IL4: variants seen among roughly 807,000 people sequenced by gnomAD.
The protein encoded by IL4 is interleukin-4.
IL4 carries 10 observed loss-of-function variants against 17.4 expected under a neutral mutation model. The observed-to-expected ratio is 0.57, with a 90% CI of 0.35 to 0.97. IL4 has a LOEUF of 0.97. Among genes scored for constraint, IL4 ranks in the 50% least tolerant of loss-of-function variants. The pLI, the probability that IL4 is intolerant of heterozygous loss-of-function variation, is 0.01. For missense variants in IL4, 174 were observed against 187.7 expected, an observed-to-expected ratio of 0.93 and a Z score of 0.43; for synonymous variants, 87 against 79.0, an observed-to-expected ratio of 1.10 and a Z score of -0.54.
intron 1 of IL4, 59 bp from the exon 2 acceptor site, chr5:132,674,400 T>A (rs751846866): frequency 7.1e-6 from 11 of 1,548,896 alleles, no homozygotes; most frequent in Non-Finnish European, 9.8e-6. Context: ...ATCAAGGACT[T>A]CTCTGTCCGG....
At chr5:132,678,824 A>C (rs1007043073) in intron 2 of IL4, among the ~76,000 whole-genome samples, 3 of 152,108 alleles carry the variant, frequency 2.0e-5, no homozygotes, top group Non-Finnish European at 4.4e-5. Context: ...AAATGAGAGG[A>C]CACACCAGGC....
At chr5:132,681,463 G>A (rs748177619) in intron 3 of IL4, among the ~76,000 whole-genome samples, 12 of 152,312 alleles carry the variant, frequency 7.9e-5, no homozygotes, top group East Asian at 1.9e-4. Context: ...TGGGCTCACC[G>A]AGGATAGGGT....
chr5:132,674,323 C>A, intron 1 of IL4, 136 bp from the exon 2 acceptor site: 1 of 1,325,264 alleles, frequency 7.5e-7, no homozygotes, highest in Non-Finnish European at 1.1e-6. Flanking sequence ...CGAGGCTTCT[C>A]CCCTGCCACT....
At chr5:132,677,954 G>C (rs1328046088) in intron 2 of IL4, 1 of 152,174 alleles carries the variant, frequency 6.6e-6, no homozygotes, top group Non-Finnish European at 1.5e-5. Flanking sequence ...CAGGAACGAG[G>C]AGTGACTCTC....
Position 132,680,126 on chromosome 5 carries a change from G to A in IL4, c.360+236G>A, listed in dbSNP as rs922662875. On this transcript the variant is annotated intron_variant, in intron 3 of 3. Coordinates refer to ENST00000231449, the MANE Select transcript of IL4 (RefSeq NM_000589.4). This position sits in a 1 kb window ranked among gnomAD's most constrained non-coding sequence, Gnocchi z 4.3. ...GTTCTCATGGAATGTTCTAATGGGA[G>A]AGTTAGAAAAACAAACATGTAAAAT... is the stretch of plus-strand genomic sequence containing the variant. Among the ~76,000 whole-genome samples, 1 of 152,166 alleles carries A rather than the reference G, an allele frequency of 6.6e-6. No homozygotes were observed. Among genetic ancestry groups the A allele is most frequent in the Non-Finnish European group, 1.5e-5 (1 of 68,040 alleles).
intron 3 of IL4, 51 bp downstream of exon 3, chr5:132,679,941 A>G (rs750176694): frequency 2.0e-6 from 3 of 1,511,336 alleles, no homozygotes; most frequent in Non-Finnish European, 2.7e-6. Context: ...CCTGGTGGAC[A>G]GCAGCCTCAC....
Position 132,674,077 on chromosome 5 carries a change from C to G in IL4, c.27C>G (p.Pro9=). The G allele has an allele frequency of 6.2e-7, 1 of 1,614,176 alleles. No homozygotes were observed. Among genetic ancestry groups the G allele is most frequent in the Non-Finnish European group, 8.5e-7 (1 of 1,180,018 alleles). MGLTSQLL[P]PLFFLLACAG... ...TGGGTCTCACCTCCCAACTGCTTCC[C>G]CCTCTGTTCTTCCTGCTAGCATGTG... Residue 9 remains proline (P), a synonymous_variant, in exon 1 of 4, where the codon CCC becomes CCG. Coordinates refer to ENST00000231449, the MANE Select transcript of IL4 (RefSeq NM_000589.4).
At chr5:132,675,867 G>GTGTGTGTC (rs1752368938) in intron 2 of IL4, among the ~76,000 whole-genome samples, 1 of 148,926 alleles carries the variant, frequency 6.7e-6, no homozygotes, top group Non-Finnish European at 1.5e-5. Flanking sequence ...GTGTGTGTGT[G>GTGTGTGTC]TGTGTGTGTG....
Position 132,680,156 on chromosome 5 carries a change from G to A in IL4, c.360+266G>A, listed in dbSNP as rs1752459234. On this transcript the variant is annotated intron_variant, in intron 3 of 3. Coordinates refer to ENST00000231449, the MANE Select transcript of IL4 (RefSeq NM_000589.4). The surrounding 1 kb of genome is among the most constrained non-coding windows in gnomAD (Gnocchi z 4.3). ...AGAAAAACAAACATGTAAAATGATG[G>A]CCAGCAGTGATACGTGCTACAAAGA... Among the ~76,000 whole-genome samples the A allele has an allele frequency of 1.3e-5, 2 of 152,176 alleles. No homozygotes were observed. Among genetic ancestry groups the A allele is most frequent in the Non-Finnish European group, 2.9e-5 (2 of 68,038 alleles).
At chr5:132,679,937 G>T in intron 3 of IL4, 47 bp downstream of exon 3, 1 of 1,520,928 alleles carries the variant, frequency 6.6e-7, no homozygotes, top group South Asian at 1.2e-5. Flanking sequence ...GGCTCCTGGT[G>T]GACAGCAGCC....
chr5:132,674,314 G>A (rs1019877607), intron 1 of IL4, 129 bp downstream of exon 1: 11 of 1,345,588 alleles, frequency 8.2e-6, no homozygotes, highest in East Asian at 4.6e-5. Context: ...GGCACACAGC[G>A]AGGCTTCTCC....
At chr5:132,674,603 A>C in intron 2 of IL4, 97 bp downstream of exon 2, 1 of 926,758 alleles carries the variant, frequency 1.1e-6, no homozygotes, top group East Asian at 2.4e-5. Context: ...AGCGGGCCCA[A>C]ATTAACTCTA....
intron 2 of IL4, among the ~76,000 whole-genome samples, chr5:132,676,953 C>T (rs529921342): frequency 1.3e-5 from 2 of 152,298 alleles, no homozygotes; most frequent in African/African-American, 4.8e-5. Context: ...GAAGTCAAGG[C>T]TGTCTGAGGA....
At chr5:132,677,130 T>C (rs900938900) in intron 2 of IL4, among the ~76,000 whole-genome samples, 1 of 152,242 alleles carries the variant, frequency 6.6e-6, no homozygotes, top group African/African-American at 2.4e-5. Flanking sequence ...GTTTCTCATA[T>C]ACAGCACTAG....
At chr5:132,682,356 G>A in intron 3 of IL4, 130 bp from the exon 4 acceptor site, 2 of 587,830 alleles carry the variant, frequency 3.4e-6, no homozygotes, top group Non-Finnish European at 6.1e-6. Context: ...ACAACTCCCA[G>A]TCAGGCTAGA....
At chr5:132,675,552 C>CT (rs34015525) in intron 2 of IL4, among the ~76,000 whole-genome samples, 79,890 of 145,152 alleles carry the variant, frequency 0.55, 24,877 homozygotes, top group Non-Finnish European at 0.73. Flanking sequence ...CAAATACACA[C>CT]TTTTTTTTTT....
intron 3 of IL4, among the ~76,000 whole-genome samples, chr5:132,681,630 T>C (rs1359003200): frequency 3.9e-5 from 6 of 152,126 alleles, no homozygotes; most frequent in Non-Finnish European, 7.4e-5. Flanking sequence ...TTAATGCACC[T>C]GGGGGAATGG....
intron 2 of IL4, 139 bp from the exon 3 acceptor site, chr5:132,679,575 A>C (rs1345502995): frequency 4.1e-6 from 3 of 724,330 alleles, no homozygotes. Flanking sequence ...CCTTCAGTGG[A>C]ATACTTGAAG....
chr5:132,676,943 G>GA (rs1183844370), intron 2 of IL4, among the ~76,000 whole-genome samples: 4 of 152,220 alleles, frequency 2.6e-5, no homozygotes, highest in Non-Finnish European at 5.9e-5. Context: ...GGGTGTCTAT[G>GA]AAGTCAAGGC....
Sources: allele counts gnomAD v4.1 joint callset (sites outside exome capture counted in the v4.1 genomes callset), GRCh38; gene constraint gnomAD v4.1.1; non-coding constraint Gnocchi (gnomAD v3.1); transcripts MANE v1.5; gene names NCBI Gene and HGNC (gene_info 2026-07-23, HGNC 2026-07-21).